Variants in SPAG16 observed in about 807,000 individuals in gnomAD.
SPAG16 encodes sperm associated antigen 16.
SPAG16 carries 86 observed loss-of-function variants against 80.4 expected under a neutral mutation model. The ratio of observed to expected loss-of-function variants is 1.07; its 90% CI spans 0.90 to 1.28. The LOEUF is 1.28. Among genes scored for constraint, SPAG16 ranks in the 50% most tolerant of loss-of-function variants. SPAG16 has a pLI of 0.00. For synonymous variants in SPAG16, 294 were observed against 265.9 expected (o/e 1.11, Z -1.03); for missense variants, 870 against 765.3 (o/e 1.14, Z -1.61).
chr2:214,219,894 G>A (rs2058521668), intron 15 of SPAG16, among the ~76,000 whole-genome samples: 1 of 152,000 alleles, frequency 6.6e-6, no homozygotes, highest in South Asian at 2.1e-4. Flanking sequence ...TGGAAGTATA[G>A]ACAGTATAAA....
chr2:213,989,311 C>T (rs1559664212), intron 12 of SPAG16, among the ~76,000 whole-genome samples: 1 of 152,112 alleles, frequency 6.6e-6, no homozygotes, highest in South Asian at 2.1e-4. Flanking sequence ...TATGATCACC[C>T]TTCATTCTAT....
At chr2:214,318,624 C>T (rs916735069) in intron 15 of SPAG16, among the ~76,000 whole-genome samples, 6 of 152,054 alleles carry the variant, frequency 3.9e-5, no homozygotes, top group Non-Finnish European at 7.4e-5. Context: ...GATCCACCCA[C>T]CTTGACCTCC....
intron 12 of SPAG16, among the ~76,000 whole-genome samples, chr2:214,005,104 T>C (rs1165592009): frequency 6.6e-6 from 1 of 152,150 alleles, no homozygotes; most frequent in Non-Finnish European, 1.5e-5. Flanking sequence ...GGTTGCTATT[T>C]TAATATTTGG....
intron 14 of SPAG16, among the ~76,000 whole-genome samples, chr2:214,140,475 G>A (rs1045080809): frequency 4.0e-5 from 6 of 151,838 alleles, no homozygotes; most frequent in Non-Finnish European, 8.8e-5. Flanking sequence ...TTTATTTTTT[G>A]AAGGGGTGGT....
intron 15 of SPAG16, among the ~76,000 whole-genome samples, chr2:214,400,368 AC>A (rs1701638787): frequency 6.6e-6 from 1 of 152,052 alleles, no homozygotes; most frequent in Non-Finnish European, 1.5e-5. Flanking sequence ...TGAACCAATC[AC>A]AGATTGAAAA....
intron 10 of SPAG16, among the ~76,000 whole-genome samples, chr2:213,598,425 A>G (rs2060952419): frequency 6.6e-6 from 1 of 152,146 alleles, no homozygotes; most frequent in South Asian, 2.1e-4. Flanking sequence ...GTGTCAAGCA[A>G]TGTGTTATTT....
At position 213,768,218 on chromosome 2, in the gene SPAG16, A is replaced by G. The variant is rs957583406; in HGVS notation, c.1071-94267A>G. Among the ~76,000 whole-genome samples the G allele has an allele frequency of 2.6e-5, 4 of 152,210 alleles. No individual in the cohort carries two copies. The East Asian group carries it at 7.7e-4, about 29-fold the overall frequency. ...ATAAAGTATTGGGGGTAAAGGACTG[A>G]TGAAAGCAGGAGCTAGAAAAAAGAG... On this transcript the variant is annotated intron_variant, in intron 10 of 15. Transcript: ENST00000331683.
At chr2:213,737,493 C>CTTT (rs3076768) in intron 10 of SPAG16, among the ~76,000 whole-genome samples, 34,899 of 142,068 alleles carry the variant, frequency 0.25, 4,817 homozygotes, top group Middle Eastern at 0.34. Flanking sequence ...TTTTTCTTTT[C>CTTT]TTTTTTTTTT....
At chr2:213,318,738 A>G (rs1443638186) in intron 5 of SPAG16, among the ~76,000 whole-genome samples, 1 of 152,000 alleles carries the variant, frequency 6.6e-6, no homozygotes, top group African/African-American at 2.4e-5. Flanking sequence ...ACTTTCCTCA[A>G]TGCATTTATA....
chr2:214,344,965 A>G (rs965491050), intron 15 of SPAG16, among the ~76,000 whole-genome samples: 11 of 151,992 alleles, frequency 7.2e-5, no homozygotes, highest in Admixed American at 7.2e-4. Context: ...TTATTCTCAG[A>G]TATATATTTA....
At chr2:213,937,641 A>AT (rs909305153) in intron 12 of SPAG16, among the ~76,000 whole-genome samples, 1 of 151,452 alleles carries the variant, frequency 6.6e-6, no homozygotes, top group African/African-American at 2.4e-5. Flanking sequence ...TATAGCATGT[A>AT]TTTTTTTATT....
intron 10 of SPAG16, among the ~76,000 whole-genome samples, chr2:213,589,023 T>C (rs2060584961): frequency 6.6e-6 from 1 of 152,176 alleles, no homozygotes. Flanking sequence ...CATAACTTTT[T>C]AAAATTTATA....
At chr2:213,722,359 CTG>C (rs2066567536) in intron 10 of SPAG16, among the ~76,000 whole-genome samples, 1 of 152,134 alleles carries the variant, frequency 6.6e-6, no homozygotes, top group Non-Finnish European at 1.5e-5. Context: ...TTTAAATTGA[CTG>C]TACATTCCTT....
chr2:214,264,083 G>T (rs1000533927), intron 15 of SPAG16, among the ~76,000 whole-genome samples: 23 of 152,060 alleles, frequency 1.5e-4, no homozygotes, highest in African/African-American at 4.1e-4. Flanking sequence ...AATCTGTGTG[G>T]CTGTCTGGAC....
rs549730842 is a variant in SPAG16, at chr2:213,711,191, A to T, written c.1071-151294A>T. Reference sequence around the variant, plus strand: ...TCCAACTTATTGCCTCAGTCACTCAATTTTCAAGTTTATGTACTTTCCTCT... The same window carrying T: ...TCCAACTTATTGCCTCAGTCACTCATTTTTCAAGTTTATGTACTTTCCTCT... On this transcript the variant is annotated intron_variant, in intron 10 of 15. Transcript: ENST00000331683. Among the ~76,000 whole-genome samples the T allele has an allele frequency of 2.0e-5, 3 of 152,212 alleles. No homozygotes were observed. The South Asian group carries it at 6.2e-4, about 32-fold the overall frequency.
Position 213,323,315 on chromosome 2 carries a change from T to C in SPAG16, c.536+5959T>C, listed in dbSNP as rs933737337. On this transcript the variant is annotated intron_variant, in intron 5 of 15. Transcript: ENST00000331683. ...AATTAGCCGGGCATGGTGGTGGGTGTCTGTAGTCCCAGCTACTCGGGAGGC... is the reference window on the plus strand; with the variant it reads ...AATTAGCCGGGCATGGTGGTGGGTGCCTGTAGTCCCAGCTACTCGGGAGGC... Among the ~76,000 whole-genome samples the C allele has an allele frequency of 3.9e-5, 6 of 151,940 alleles. No homozygotes were observed. In the South Asian group the frequency reaches 6.2e-4, roughly 16 times the overall value.
intron 13 of SPAG16, among the ~76,000 whole-genome samples, chr2:214,068,977 CTA>C (rs1288090438): frequency 1.3e-5 from 2 of 152,044 alleles, no homozygotes; most frequent in African/African-American, 4.8e-5. Flanking sequence ...TATATATACT[CTA>C]AAGACATGCC....
chr2:213,366,785 G>T (rs2066317711), intron 8 of SPAG16, among the ~76,000 whole-genome samples: 1 of 151,880 alleles, frequency 6.6e-6, no homozygotes, highest in Admixed American at 6.6e-5. Flanking sequence ...ACATGCAATA[G>T]AATCTTTTTT....
chr2:214,169,310 A>G (rs34340947), intron 15 of SPAG16, among the ~76,000 whole-genome samples: 29,770 of 151,990 alleles, frequency 0.2, 3,240 homozygotes, highest in African/African-American at 0.29. Flanking sequence ...AAAGAACACA[A>G]TCATAATTTG....
Sources: gnomAD v4.1 joint callset for allele counts (sites outside exome capture counted in the v4.1 genomes callset) on GRCh38, gnomAD v4.1.1 for gene constraint, MANE v1.5 for transcripts, NCBI Gene and HGNC (gene_info 2026-07-23, HGNC 2026-07-21) for gene names.